The following LIN52 variants were observed in gnomAD, a reference collection of about 807,000 sequenced individuals.
The protein encoded by LIN52 is lin-52 DREAM MuvB core complex component.
In LIN52, 4 loss-of-function variants were observed where a neutral mutation model predicts 18.5. The observed-to-expected ratio is 0.22, with a 90% confidence interval of 0.11 to 0.49. The LOEUF is 0.49. Ranked by LOEUF, LIN52 falls within the 20% of genes least tolerant of loss-of-function variation. The pLI, the probability that LIN52 is intolerant of heterozygous loss-of-function variation, is 0.97. For missense variants in LIN52, 102 were observed against 139.5 expected, an observed-to-expected ratio of 0.73 and a Z score of 1.35; for synonymous variants, 34 against 45.5, an observed-to-expected ratio of 0.75 and a Z score of 1.02.
Position 74,101,218 on chromosome 14 carries a change from A to G in LIN52, c.263A>G (p.Tyr88Cys). 6.2e-7 allele frequency: 1 copy of G among 1,610,220 alleles called. No homozygotes were observed. The highest frequency in any genetic ancestry group is 8.5e-7 in the Non-Finnish European group (1 of 1,178,758). The part of the protein sequence containing the change: ...EKVRGLQNLA[Y>C]QLGLDESREM... ...GTTCGAGGCCTACAGAACCTAGCCT[A>G]TCAGCTGGGGCTGGATGAGTGTGAG... is the stretch of plus-strand genomic sequence containing the variant. Residue 88 changes from tyrosine to cysteine, a missense_variant, in exon 5 of 6, where the codon TAT (tyrosine) becomes TGT (cysteine). Transcript: ENST00000555028.
At chr14:74,123,827 T>G (rs2061012935) in intron 5 of LIN52, among the ~76,000 whole-genome samples, 1 of 152,162 alleles carries the variant, frequency 6.6e-6, no homozygotes, top group Admixed American at 6.5e-5. Context: ...CATTGCCATG[T>G]GAGTATAAAG....
intron 5 of LIN52, among the ~76,000 whole-genome samples, chr14:74,134,490 T>C (rs991742999): frequency 6.6e-6 from 1 of 152,206 alleles, no homozygotes; most frequent in Admixed American, 6.5e-5. Flanking sequence ...ACAGACAATA[T>C]TCATTTCCTA....
chr14:74,197,319 A>G (rs567342814), intron 5 of LIN52, among the ~76,000 whole-genome samples: 17 of 152,212 alleles, frequency 1.1e-4, no homozygotes, highest in Non-Finnish European at 2.2e-4. Context: ...GCAGCAGAGC[A>G]AGGATAAAGA....
intron 5 of LIN52, among the ~76,000 whole-genome samples, chr14:74,130,388 C>G (rs2061058653): frequency 6.8e-6 from 1 of 147,316 alleles, no homozygotes. Context: ...AGCGATTCTC[C>G]TGCCTCAGCC....
chr14:74,191,325 T>A (rs1172609966), intron 5 of LIN52, among the ~76,000 whole-genome samples: 1 of 152,216 alleles, frequency 6.6e-6, no homozygotes, highest in Non-Finnish European at 1.5e-5. Flanking sequence ...ATTTGAATCT[T>A]CCTAATATCT....
In LIN52 at chr14:74,110,297, G is replaced by T. The variant is rs532728834; in HGVS notation, c.283+9059G>T. 3.9e-5 allele frequency among the ~76,000 whole-genome samples: 6 copies of T among 152,260 alleles called. No individual in the cohort carries two copies. In the South Asian group the frequency reaches 1.2e-3, roughly 32 times the overall value. ...AAAGATTGAGAGGGATGCCAAGCGG[G>T]GATGATTGCTTGAAGCCAAGTGTTT... On this transcript the variant is annotated intron_variant, in intron 5 of 5. Coordinates refer to ENST00000555028, the MANE Select transcript of LIN52 (RefSeq NM_001024674.3).
intron 5 of LIN52, among the ~76,000 whole-genome samples, chr14:74,119,310 C>G (rs560316902): frequency 6.6e-6 from 1 of 151,752 alleles, no homozygotes; most frequent in Non-Finnish European, 1.5e-5. Context: ...TACAGGCGCC[C>G]CCCCACCACG....
At chr14:74,179,454 G>A (rs1019192049) in intron 5 of LIN52, among the ~76,000 whole-genome samples, 39 of 152,208 alleles carry the variant, frequency 2.6e-4, no homozygotes, top group African/African-American at 8.4e-4. Context: ...GAGGTCAGGA[G>A]TTCGAGACCA....
intron 5 of LIN52, among the ~76,000 whole-genome samples, chr14:74,151,015 C>T (rs2061174720): frequency 6.6e-6 from 1 of 152,122 alleles, no homozygotes; most frequent in Admixed American, 6.6e-5. Context: ...CCTTTTCTGC[C>T]TTAGAGGTTT....
intron 5 of LIN52, among the ~76,000 whole-genome samples, chr14:74,144,556 C>T (rs1388085768): frequency 6.6e-6 from 1 of 152,126 alleles, no homozygotes; most frequent in African/African-American, 2.4e-5. Flanking sequence ...CTAACAAATT[C>T]TTATTAAATA....
intron 5 of LIN52, among the ~76,000 whole-genome samples, chr14:74,105,597 T>A (rs1050180461): frequency 6.6e-6 from 1 of 151,806 alleles, no homozygotes; most frequent in African/African-American, 2.4e-5. Context: ...TTTTTGTCCT[T>A]ACAGATTATT....
intron 5 of LIN52, among the ~76,000 whole-genome samples, chr14:74,109,479 T>A (rs754908931): frequency 6.6e-6 from 1 of 152,094 alleles, no homozygotes; most frequent in Non-Finnish European, 1.5e-5. Flanking sequence ...ACAAAAAAAA[T>A]TGGTTGGCCG....
intron 5 of LIN52, among the ~76,000 whole-genome samples, chr14:74,192,030 C>T (rs1379981766): frequency 6.6e-6 from 1 of 152,238 alleles, no homozygotes; most frequent in African/African-American, 2.4e-5. Flanking sequence ...TTACTCCAGC[C>T]AGGCTTAATA....
At chr14:74,152,959 CAAA>C (rs1189515836) in intron 5 of LIN52, among the ~76,000 whole-genome samples, 4 of 41,556 alleles carry the variant, frequency 9.6e-5, no homozygotes, top group African/African-American at 2.4e-4. Context: ...GACTCTGTCT[CAAA>C]AAAAAAAAAA....
intron 5 of LIN52, among the ~76,000 whole-genome samples, chr14:74,117,221 T>C (rs2060970554): frequency 6.6e-6 from 1 of 152,168 alleles, no homozygotes; most frequent in Non-Finnish European, 1.5e-5. Context: ...TAAGTAGGAA[T>C]TGAGAGCAAA....
At chr14:74,154,353 G>A (rs2061189442) in intron 5 of LIN52, among the ~76,000 whole-genome samples, 2 of 152,200 alleles carry the variant, frequency 1.3e-5, no homozygotes, top group South Asian at 2.1e-4. Flanking sequence ...CAGGCTATAT[G>A]TGGAGGTTGT....
intron 5 of LIN52, among the ~76,000 whole-genome samples, chr14:74,136,335 C>A (rs1421187287): frequency 6.6e-6 from 1 of 152,064 alleles, no homozygotes; most frequent in African/African-American, 2.4e-5. Flanking sequence ...TATGCCCAGT[C>A]AATATGTTGA....
chr14:74,137,498 C>CACTT lies in LIN52; in HGVS notation c.283+36260_283+36261insACTT. ...GCACTAAATTCTTCACAGCAGCTCT[C>CACTT]TTTTTTTTTTTTTTTTTTGAGATGG... On this transcript the variant is annotated intron_variant, in intron 5 of 5. Transcript: ENST00000555028. 1.8e-5 allele frequency among the ~76,000 whole-genome samples: 2 copies of CACTT among 111,624 alleles called. 1 individual carries two copies. Among genetic ancestry groups the CACTT allele is most frequent in the South Asian group, 5.6e-4 (2 of 3,570 alleles). The allele number at this position is 111,624 out of a possible 152,430, so 73.2% of individuals were successfully genotyped here. A position where few individuals can be genotyped will look rare whatever the true frequency, so the allele number is the denominator to read the frequency against.
chr14:74,101,016 A>C (rs1040416637), intron 4 of LIN52, 139 bp from the exon 5 acceptor site: 8 of 687,294 alleles, frequency 1.2e-5, no homozygotes, highest in Admixed American at 8.3e-5. Flanking sequence ...AGATTGGGGG[A>C]GGAGTTACGG....
Sources: gnomAD v4.1 joint callset for allele counts (sites outside exome capture counted in the v4.1 genomes callset) on GRCh38, gnomAD v4.1.1 for gene constraint, MANE v1.5 for transcripts, NCBI Gene and HGNC (gene_info 2026-07-23, HGNC 2026-07-21) for gene names.